F12: variants seen among roughly 807,000 people sequenced by gnomAD.
The protein encoded by F12 is coagulation factor XII, also known as Hageman factor.
Under a neutral mutation model 74.8 loss-of-function variants are expected in F12, and 70 were observed. The observed-to-expected ratio is 0.94, with a 90% CI of 0.77 to 1.14. The LOEUF (loss-of-function observed/expected upper bound fraction) is 1.14. Among genes scored for constraint, F12 ranks in the 50% most tolerant of loss-of-function variants. The probability of loss-of-function intolerance (pLI) is 0.00; values close to 1 mark genes in which losing one functional copy is unlikely to be tolerated. For synonymous variants in F12, 373 were observed against 356.4 expected, an observed-to-expected ratio of 1.05 and a Z score of -0.52; for missense variants, 811 against 835.7, an observed-to-expected ratio of 0.97 and a Z score of 0.36.
intron 12 of F12, 162 bp downstream of exon 12, chr5:177,403,091 TG>T: frequency 1.1e-6 from 1 of 881,566 alleles, no homozygotes; most frequent in Admixed American, 2.6e-5. Flanking sequence ...TCCCAGGCCC[TG>T]GGATTCTACC....
chr5:177,409,229 T>C, intron 1 of F12, 126 bp from the exon 2 acceptor site: 1 of 1,089,620 alleles, frequency 9.2e-7, no homozygotes, highest in African/African-American at 1.6e-5. Context: ...CCCAAACCCT[T>C]TCTACCTCCC....
rs536390950 is a variant in F12, at chr5:177,402,436, C to T, written c.1704G>A (p.Val568=). The T allele has an allele frequency of 5.5e-5, 89 of 1,610,082 alleles. 2 individuals carry two copies. In the South Asian group the frequency reaches 8.5e-4, roughly 15 times the overall value. Residue 568 remains valine, a synonymous_variant, in exon 14 of 14, where the codon GTG becomes GTA. Coordinates refer to ENST00000253496, the MANE Select transcript of F12 (RefSeq NM_000505.4). The stretch of plus-strand genomic sequence containing the variant: ...GGCGCTCTGCAGCTTGGTCCTCACA[C>T]ACCAGCGGGCCTCCGGAATCACCCT... The part of the protein sequence containing the change: ...ACQGDSGGPL[V]CEDQAAERRL...
intron 2 of F12, among the ~76,000 whole-genome samples, chr5:177,408,774 G>A (rs1201827862): frequency 1.3e-5 from 2 of 152,258 alleles, no homozygotes; most frequent in African/African-American, 4.8e-5. Context: ...AAGGGGAGAA[G>A]CTGGGGAAAC....
At chr5:177,406,114 C>G in intron 2 of F12, 53 bp from the exon 3 acceptor site, 1 of 1,487,696 alleles carries the variant, frequency 6.7e-7, no homozygotes. Flanking sequence ...ACTGCTCAGG[C>G]ACTGTCCCTC....
In F12 at chr5:177,404,322, G is replaced by C; in HGVS notation, c.892C>G (p.Pro298Ala). 1 of 1,606,848 alleles carries C rather than the reference G, an allele frequency of 6.2e-7. No individual in the cohort carries two copies. Among genetic ancestry groups the C allele is most frequent in the Non-Finnish European group, 8.5e-7 (1 of 1,176,612 alleles). The stretch of plus-strand genomic sequence containing the variant: ...GGGGTCGGAGGCGCCGCCTGGGTTG[G>C]GGTCTGGCACTGTGCCAGGTCGCAG... Reference protein sequence around the residue: ...EYCDLAQCQTPTQAAPPTPVS... With the variant: ...EYCDLAQCQTATQAAPPTPVS... Residue 298 changes from proline (P) to alanine (A), a missense_variant, in exon 9 of 14, where the codon CCA becomes GCA. Coordinates refer to ENST00000253496, the MANE Select transcript of F12 (RefSeq NM_000505.4).
In F12 at chr5:177,404,893, A is replaced by T. The variant is rs1309871237; in HGVS notation, c.551T>A (p.Leu184His). The change falls in exon 7 of 14, where the codon CTC becomes CAC. Residue 184 changes from leucine (L) to histidine (H), a missense_variant. By Grantham distance (99) the Leu-to-His change is moderately conservative. Coordinates refer to ENST00000253496, the MANE Select transcript of F12 (RefSeq NM_000505.4). Reference protein sequence around the residue: ...ASQACRTNPCLHGGRCLEVEG... With the variant: ...ASQACRTNPCHHGGRCLEVEG... ...CACCTCTAGGCAGCGACCCCCATGG[A>T]GGCACGGGTTGGTGCGGCAGGCTTG... The T allele has an allele frequency of 1.2e-6, 2 of 1,607,398 alleles. No individual in the cohort carries two copies. Among genetic ancestry groups the T allele is most frequent in the South Asian group, 1.1e-5 (1 of 90,458 alleles).
chr5:177,405,005 C>G (rs758196069), intron 6 of F12, 49 bp downstream of exon 6: 4 of 1,603,038 alleles, frequency 2.5e-6, no homozygotes, highest in Non-Finnish European at 3.4e-6. Flanking sequence ...CTCCTGCCAG[C>G]CTGTCTTCCT....
rs1581656135 is a variant in F12, at chr5:177,403,479, A to G, written c.1387+2T>C. ...CCGTCCCCGCGGGGCGCCCCCACGC[A>G]CCCAGGTCGTGCTGGTAGCTGACGG... On this transcript the variant is annotated splice_donor_variant, in intron 11 of 13. Coordinates refer to ENST00000253496, the MANE Select transcript of F12 (RefSeq NM_000505.4). LOFTEE classifies it high-confidence loss of function. The G allele has an allele frequency of 1.9e-6, 3 of 1,560,554 alleles. No individual in the cohort carries two copies. Among genetic ancestry groups the G allele is most frequent in the African/African-American group, 2.7e-5 (2 of 73,858 alleles).
rs144132962 is a variant in F12 at position 177,404,119 on chromosome 5, G to A, written c.1019-29C>T. The A allele has an allele frequency of 2.2e-3, 3,469 of 1,592,024 alleles. 5 individuals carry two copies. Among genetic ancestry groups the A allele is most frequent in the Non-Finnish European group, 2.6e-3 (2,992 of 1,171,512 alleles). ...TGGAGGAGCAGGGGCTGAGGACGGA[G>A]AGCCCGCGGCCGGCTGGCCGGAATC... On this transcript the variant is annotated intron_variant, in intron 9 of 13. Coordinates refer to ENST00000253496, the MANE Select transcript of F12 (RefSeq NM_000505.4).
At chr5:177,406,375 G>C (rs564060699) in intron 2 of F12, among the ~76,000 whole-genome samples, 19 of 152,300 alleles carry the variant, frequency 1.2e-4, no homozygotes, top group Admixed American at 1.2e-3. Flanking sequence ...TGTAGTCCCA[G>C]CTACTCGGGA....
At position 177,402,656 on chromosome 5, in the gene F12, G is replaced by C. The variant is rs762403049; in HGVS notation, c.1574C>G (p.Pro525Arg). Reference sequence around the variant, plus strand: ...TGAGCAGCGCTCCAGGGAGAGGAACGGTACCTGCGCCTCCTGCAGGAAGCT... The same window carrying C: ...TGAGCAGCGCTCCAGGGAGAGGAACCGTACCTGCGCCTCCTGCAGGAAGCT... ...YASFLQEAQV[P>R]FLSLERCSAP... Residue 525 changes from proline to arginine, a missense_variant, in exon 13 of 14, where the codon CCG (proline) becomes CGG (arginine). Coordinates refer to ENST00000253496, the MANE Select transcript of F12 (RefSeq NM_000505.4). 6.8e-6 allele frequency: 11 copies of C among 1,612,772 alleles called. No homozygotes were observed. Among genetic ancestry groups the C allele is most frequent in the Admixed American group, 1.7e-5 (1 of 60,018 alleles).
At chr5:177,409,233 A>G (rs1763352145) in intron 1 of F12, 130 bp from the exon 2 acceptor site, 2 of 1,068,266 alleles carry the variant, frequency 1.9e-6, no homozygotes, top group Non-Finnish European at 2.8e-6. Context: ...AACCCTTTCT[A>G]CCTCCCCCCG....
intron 12 of F12, 141 bp from the exon 13 acceptor site, chr5:177,402,839 T>C: frequency 8.2e-7 from 1 of 1,212,542 alleles, no homozygotes; most frequent in Non-Finnish European, 1.2e-6. Context: ...GAGGTGCCAT[T>C]AATTCAATTT....
chr5:177,402,854 G>A, intron 12 of F12, 156 bp from the exon 13 acceptor site: 1 of 1,073,734 alleles, frequency 9.3e-7, no homozygotes, highest in Middle Eastern at 2.9e-4. Context: ...CAATTTCATA[G>A]GCAAGGAGGC....
chr5:177,402,355 C>T lies in F12; in HGVS notation c.1785G>A (p.Lys595=), dbSNP rs1226977287. The change falls in exon 14 of 14, where the codon AAG becomes AAA. Residue 595 remains lysine (K), a synonymous_variant. Coordinates refer to ENST00000253496, the MANE Select transcript of F12 (RefSeq NM_000505.4). ...SWGSGCGDRN[K]PGVYTDVAYY... ...AGGCCACATCGGTGTAGACGCCTGG[C>T]TTGTTGCGGTCACCACAGCCCGATC... The T allele has an allele frequency of 2.5e-6, 4 of 1,613,776 alleles. No homozygotes were observed. The highest frequency in any genetic ancestry group is 1.6e-4 in the Middle Eastern group (1 of 6,062).
chr5:177,406,445 CG>C (rs546585838), intron 2 of F12, among the ~76,000 whole-genome samples: 163 of 151,924 alleles, frequency 1.1e-3, no homozygotes, highest in Non-Finnish European at 2.0e-3. Context: ...GCCGAGATCG[CG>C]CCACTGCACT....
chr5:177,404,443 G>A (rs1374877688), intron 8 of F12, 30 bp from the exon 9 acceptor site: 15 of 1,603,994 alleles, frequency 9.4e-6, no homozygotes, highest in Non-Finnish European at 1.2e-5. Flanking sequence ...CGCCGTTAGA[G>A]CGCCGGGAGC....
intron 5 of F12, 53 bp from the exon 6 acceptor site, chr5:177,405,238 C>T (rs956630674): frequency 2.5e-6 from 4 of 1,613,246 alleles, no homozygotes; most frequent in Non-Finnish European, 3.4e-6. Context: ...CATGCCAAGT[C>T]TCCGAGTATC....
chr5:177,404,439 T>G, intron 8 of F12, 26 bp from the exon 9 acceptor site: 1 of 1,605,920 alleles, frequency 6.2e-7, no homozygotes, highest in Non-Finnish European at 8.5e-7. Context: ...GGGGCGCCGT[T>G]AGAGCGCCGG....
Sources: gnomAD v4.1 joint callset for allele counts (sites outside exome capture counted in the v4.1 genomes callset) on GRCh38, gnomAD v4.1.1 for gene constraint, MANE v1.5 for transcripts, NCBI Gene and HGNC (gene_info 2026-07-23, HGNC 2026-07-21) for gene names.